Variants in MDGA2 observed in about 807,000 individuals in gnomAD.
MDGA2 encodes MAM domain-containing glycosylphosphatidylinositol anchor protein 2.
A neutral mutation model predicts 117.8 loss-of-function variants in MDGA2; 40 were observed. The observed-to-expected ratio is 0.34, with a 90% CI of 0.26 to 0.44. The LOEUF (loss-of-function observed/expected upper bound fraction) is 0.44. Among genes scored for constraint, MDGA2 ranks in the 20% least tolerant of loss-of-function variants. MDGA2 has a pLI of 1.00. For synonymous variants in MDGA2, 452 were observed against 439.0 expected, an observed-to-expected ratio of 1.03 and a Z score of -0.37; for missense variants, 1,123 against 1,250.6, an observed-to-expected ratio of 0.90 and a Z score of 1.54.
rs192199189 is a variant in MDGA2 at position 47,155,043 on chromosome 14, C to T, written c.596-10769G>A. ...ACTGGGACAGACAACAGGATAACCTCCCTAGGGAAAAGAGCTACACACTGT... is the reference window on the plus strand; with the variant it reads ...ACTGGGACAGACAACAGGATAACCTTCCTAGGGAAAAGAGCTACACACTGT... On this transcript the variant is annotated intron_variant, in intron 3 of 16. Transcript: ENST00000399232. Among the ~76,000 whole-genome samples, 413 of 152,224 alleles carry T rather than the reference C, an allele frequency of 2.7e-3. 1 individual carries two copies. Among genetic ancestry groups the T allele is most frequent in the Middle Eastern group, 0.01 (3 of 294 alleles).
intron 8 of MDGA2, among the ~76,000 whole-genome samples, chr14:47,034,313 T>A (rs1888762884): frequency 6.6e-6 from 1 of 152,192 alleles, no homozygotes; most frequent in South Asian, 2.1e-4. Context: ...ATCTACATTT[T>A]TAATTAGAAC....
At chr14:46,864,175 G>C (rs1881630112) in intron 14 of MDGA2, among the ~76,000 whole-genome samples, 2 of 150,970 alleles carry the variant, frequency 1.3e-5, no homozygotes, top group Admixed American at 1.3e-4. Flanking sequence ...TGGAGAAAGG[G>C]ACAGAAAAGT....
chr14:46,889,978 G>A (rs992715384), intron 10 of MDGA2, among the ~76,000 whole-genome samples: 6 of 151,928 alleles, frequency 3.9e-5, no homozygotes, highest in Non-Finnish European at 7.4e-5. Context: ...GGGAATATAG[G>A]ACCCACTCTA....
chr14:47,380,494 G>C (rs369581280), intron 1 of MDGA2, among the ~76,000 whole-genome samples: 1 of 108,952 alleles, frequency 9.2e-6, no homozygotes, highest in Non-Finnish European at 2.1e-5. Context: ...AAAGAAGAGA[G>C]AAGAATCAAA....
At chr14:47,651,700 GACAAAATAGAA>G (rs1205062116) in intron 1 of MDGA2, among the ~76,000 whole-genome samples, 1 of 152,106 alleles carries the variant, frequency 6.6e-6, no homozygotes, top group African/African-American at 2.4e-5. Context: ...CATTCGATGA[GACAAAATAGAA>G]ACATGGAAGG....
intron 3 of MDGA2, among the ~76,000 whole-genome samples, chr14:47,158,651 C>T (rs1351904274): frequency 1.3e-5 from 2 of 152,064 alleles, no homozygotes; most frequent in Non-Finnish European, 2.9e-5. Context: ...GACGGGGTTT[C>T]ACCATGTTGG....
At chr14:47,604,589 C>A (rs1896709138) in intron 1 of MDGA2, among the ~76,000 whole-genome samples, 1 of 151,140 alleles carries the variant, frequency 6.6e-6, no homozygotes, top group Admixed American at 6.6e-5. Flanking sequence ...CTCAGCCTCC[C>A]AAAAGTGCTA....
chr14:47,263,323 ATCC>A (rs1415424365), intron 2 of MDGA2, among the ~76,000 whole-genome samples: 2 of 152,044 alleles, frequency 1.3e-5, no homozygotes, highest in Non-Finnish European at 2.9e-5. Context: ...ACTGCCACCC[ATCC>A]TCCATCCCCA....
At chr14:47,208,442 A>C (rs1885763788) in intron 3 of MDGA2, among the ~76,000 whole-genome samples, 1 of 152,056 alleles carries the variant, frequency 6.6e-6, no homozygotes, top group Non-Finnish European at 1.5e-5. Flanking sequence ...ACGTGGGAAA[A>C]AAACACATTA....
chr14:47,207,579 C>T (rs1186917799), intron 3 of MDGA2, among the ~76,000 whole-genome samples: 1 of 152,000 alleles, frequency 6.6e-6, no homozygotes, highest in Non-Finnish European at 1.5e-5. Flanking sequence ...ATTCTGAAAA[C>T]TGGAAAATAT....
At chr14:47,082,294 C>T (rs1412227329) in intron 6 of MDGA2, among the ~76,000 whole-genome samples, 2 of 147,504 alleles carry the variant, frequency 1.4e-5, no homozygotes, top group African/African-American at 5.0e-5. Flanking sequence ...GATATCAGTT[C>T]AGGCAACCTG....
intron 3 of MDGA2, among the ~76,000 whole-genome samples, chr14:47,178,766 A>C (rs568596119): frequency 9.2e-5 from 14 of 152,296 alleles, no homozygotes; most frequent in African/African-American, 2.9e-4. Context: ...AGCTATTCAA[A>C]TGTATATAGA....
intron 10 of MDGA2, among the ~76,000 whole-genome samples, chr14:46,906,400 C>A (rs1428917434): frequency 2.0e-5 from 3 of 152,008 alleles, no homozygotes; most frequent in African/African-American, 7.2e-5. Context: ...ACTGAACTTT[C>A]TTTTTGGAAG....
chr14:47,418,516 A>T (rs1321123256), intron 1 of MDGA2, among the ~76,000 whole-genome samples: 2 of 152,190 alleles, frequency 1.3e-5, no homozygotes. Flanking sequence ...TAGTGGAAGT[A>T]GCAAACAAGC....
At chr14:47,131,637 CT>C (rs1302884435) in intron 5 of MDGA2, 76 bp downstream of exon 5, 2 of 1,224,158 alleles carry the variant, frequency 1.6e-6, no homozygotes, top group Admixed American at 4.6e-5. Flanking sequence ...ATCATTTGGT[CT>C]TTAAAAAAGT....
At chr14:47,131,403 T>C (rs1207276594) in intron 5 of MDGA2, among the ~76,000 whole-genome samples, 1 of 152,044 alleles carries the variant, frequency 6.6e-6, no homozygotes, top group East Asian at 1.9e-4. Flanking sequence ...TTTTTATATG[T>C]AGAATCTAGT....
At chr14:47,174,209 A>AGAT (rs1179278476) in intron 3 of MDGA2, among the ~76,000 whole-genome samples, 9 of 152,304 alleles carry the variant, frequency 5.9e-5, no homozygotes, top group African/African-American at 1.9e-4. Flanking sequence ...GGAGACTTTA[A>AGAT]CACCCCATTG....
chr14:47,379,807 G>A (rs1891570186), intron 1 of MDGA2, among the ~76,000 whole-genome samples: 1 of 152,146 alleles, frequency 6.6e-6, no homozygotes, highest in South Asian at 2.1e-4. Context: ...ACATTAGACA[G>A]ATCAACAAGA....
chr14:47,153,671 C>T (rs1883249608), intron 3 of MDGA2, among the ~76,000 whole-genome samples: 1 of 139,132 alleles, frequency 7.2e-6, no homozygotes, highest in Admixed American at 7.7e-5. Context: ...GAGGCCTGGG[C>T]AGCACTAAGT....
Sources: gnomAD v4.1 joint callset for allele counts (sites outside exome capture counted in the v4.1 genomes callset) on GRCh38, gnomAD v4.1.1 for gene constraint, MANE v1.5 for transcripts, NCBI Gene and HGNC (gene_info 2026-07-23, HGNC 2026-07-21) for gene names.